SIPA1L1: variants seen among roughly 807,000 people sequenced by gnomAD.
SIPA1L1 encodes signal-induced proliferation-associated 1-like protein 1.
SIPA1L1 carries 26 observed loss-of-function variants against 162.7 expected under a neutral mutation model. The ratio of observed to expected loss-of-function variants is 0.16; its 90% confidence interval spans 0.12 to 0.22. The LOEUF is 0.22. Ranked by LOEUF, SIPA1L1 falls within the 10% of genes least tolerant of loss-of-function variation. The pLI is 1.00. For missense variants in SIPA1L1, 1,874 were observed against 2,241.0 expected (o/e 0.84, Z 3.31); for synonymous variants, 829 against 837.4 (o/e 0.99, Z 0.17).
At chr14:71,653,839 G>T (rs1195480595) in intron 8 of SIPA1L1, among the ~76,000 whole-genome samples, 1 of 152,134 alleles carries the variant, frequency 6.6e-6, no homozygotes, top group Non-Finnish European at 1.5e-5. Flanking sequence ...TACAGAATTG[G>T]CTTCTTTAGA....
intron 8 of SIPA1L1, among the ~76,000 whole-genome samples, chr14:71,655,594 A>G (rs117440071): frequency 6.6e-6 from 1 of 152,128 alleles, no homozygotes; most frequent in South Asian, 2.1e-4. Context: ...TGAACAGTGT[A>G]TGTATATTTT....
At chr14:71,658,146 G>A (rs565450042) in intron 8 of SIPA1L1, among the ~76,000 whole-genome samples, 187 bp from the exon 9 acceptor site, 14 of 150,640 alleles carry the variant, frequency 9.3e-5, no homozygotes, top group African/African-American at 2.9e-4. Flanking sequence ...GATCTGATCC[G>A]TAGGCTTCAC....
chr14:71,583,671 CCACTTAATCATTT>C (rs1191507491), intron 4 of SIPA1L1, among the ~76,000 whole-genome samples: 2 of 151,990 alleles, frequency 1.3e-5, no homozygotes, highest in Non-Finnish European at 2.9e-5. Flanking sequence ...CCCTTCCTTA[CCACTTAATCATTT>C]CTTGAAAAAA....
intron 2 of SIPA1L1, among the ~76,000 whole-genome samples, chr14:71,426,754 A>G (rs969649768): frequency 5.9e-5 from 9 of 152,126 alleles, no homozygotes; most frequent in Non-Finnish European, 2.9e-5. Flanking sequence ...GGCCTCCCAA[A>G]GTGCTGGGAT....
At chr14:71,401,358 C>A (rs901460879) in intron 2 of SIPA1L1, among the ~76,000 whole-genome samples, 1 of 145,794 alleles carries the variant, frequency 6.9e-6, no homozygotes, top group Non-Finnish European at 1.5e-5. Flanking sequence ...TTTTTACTTT[C>A]TTTATTCTTT....
chr14:71,352,267 C>T (rs1208983385), intron 2 of SIPA1L1, among the ~76,000 whole-genome samples: 3 of 151,990 alleles, frequency 2.0e-5, no homozygotes, highest in Non-Finnish European at 4.4e-5. Context: ...CTGCAGCCTC[C>T]CTGGGCTCAG....
chr14:71,490,124 T>G (rs1476748089), intron 2 of SIPA1L1, among the ~76,000 whole-genome samples: 1 of 152,208 alleles, frequency 6.6e-6, no homozygotes, highest in Non-Finnish European at 1.5e-5. Context: ...TGAGCTTGCA[T>G]AGATATAGTT....
intron 2 of SIPA1L1, among the ~76,000 whole-genome samples, chr14:71,325,213 A>G (rs891569879): frequency 6.6e-6 from 1 of 152,214 alleles, no homozygotes; most frequent in African/African-American, 2.4e-5. Flanking sequence ...TGGGAAATCA[A>G]TTGGCCTCAT....
chr14:71,665,785 T>TAC (rs2043946576), intron 10 of SIPA1L1, among the ~76,000 whole-genome samples: 3 of 152,194 alleles, frequency 2.0e-5, no homozygotes, highest in Admixed American at 2.0e-4. Flanking sequence ...CCCCTATATA[T>TAC]ACTATGTTTG....
chr14:71,506,258 T>TC (rs1231908277), intron 2 of SIPA1L1, among the ~76,000 whole-genome samples: 1 of 152,214 alleles, frequency 6.6e-6, no homozygotes, highest in East Asian at 1.9e-4. Context: ...GTATATTTGT[T>TC]CCTATAACCT....
intron 2 of SIPA1L1, among the ~76,000 whole-genome samples, chr14:71,466,381 G>A (rs1326632898): frequency 6.6e-6 from 1 of 152,162 alleles, no homozygotes; most frequent in Non-Finnish European, 1.5e-5. Context: ...CATCTAAGAG[G>A]TGGTGTTGCC....
chr14:71,588,113 GC>G lies in SIPA1L1; in HGVS notation c.242del (p.Ala81GlufsTer10). On this transcript the variant is annotated frameshift_variant, in exon 5 of 24. Transcript: ENST00000381232. LOFTEE classifies it high-confidence loss of function. This position sits in a 1 kb window ranked among gnomAD's most constrained non-coding sequence, Gnocchi z 4.3. ...VPKMGVRARIADWPPRKENIK... is the reference protein window; with the variant it reads ...VPKMGVRARIXDWPPRKENIK... The stretch of plus-strand genomic sequence containing the variant: ...AAAAATGGGGGTAAGGGCAAGGATT[GC>G]AGATTGGCCCCCAAGAAAGGAAAAC... The G allele has an allele frequency of 1.2e-6, 2 of 1,614,138 alleles. No homozygotes were observed. The highest frequency in any genetic ancestry group is 1.7e-6 in the Non-Finnish European group (2 of 1,179,992).
At chr14:71,573,159 C>A (rs1351356082) in intron 4 of SIPA1L1, among the ~76,000 whole-genome samples, 2 of 152,308 alleles carry the variant, frequency 1.3e-5, no homozygotes, top group East Asian at 3.9e-4. Context: ...GTTTCCCCCA[C>A]TTTATATGCC....
chr14:71,524,829 C>T (rs2052700794), intron 3 of SIPA1L1, among the ~76,000 whole-genome samples: 1 of 152,184 alleles, frequency 6.6e-6, no homozygotes, highest in African/African-American at 2.4e-5. Context: ...ATGACCGACT[C>T]ATTCATGTCT....
intron 10 of SIPA1L1, among the ~76,000 whole-genome samples, chr14:71,665,972 C>G (rs1373732606): frequency 6.6e-6 from 1 of 152,066 alleles, no homozygotes; most frequent in Non-Finnish European, 1.5e-5. Context: ...AAGTTAAAAC[C>G]ATAGATAAGG....
At chr14:71,383,892 A>G (rs1443530666) in intron 2 of SIPA1L1, among the ~76,000 whole-genome samples, 5 of 152,146 alleles carry the variant, frequency 3.3e-5, no homozygotes, top group Admixed American at 3.3e-4. Flanking sequence ...ATGAATATCC[A>G]AACCATATCA....
At chr14:71,594,859 A>C (rs979091538) in intron 5 of SIPA1L1, among the ~76,000 whole-genome samples, 2 of 152,200 alleles carry the variant, frequency 1.3e-5, no homozygotes, top group East Asian at 3.9e-4. Context: ...CCTTCCTGAG[A>C]AGCTAAGCTA....
chr14:71,583,464 A>G (rs2034200701), intron 4 of SIPA1L1, among the ~76,000 whole-genome samples: 1 of 152,170 alleles, frequency 6.6e-6, no homozygotes, highest in Admixed American at 6.6e-5. Flanking sequence ...ATGTGGAAGT[A>G]TTTTATGAGG....
At chr14:71,327,080 C>CTTT (rs532549428) in intron 2 of SIPA1L1, among the ~76,000 whole-genome samples, 4 of 127,710 alleles carry the variant, frequency 3.1e-5, no homozygotes, top group Non-Finnish European at 6.7e-5. Context: ...TGATTGAAAT[C>CTTT]TTTTTTTTTT....
Sources: gnomAD v4.1 joint callset for allele counts (sites outside exome capture counted in the v4.1 genomes callset) on GRCh38, gnomAD v4.1.1 for gene constraint, Gnocchi (gnomAD v3.1) non-coding constraint, MANE v1.5 for transcripts, NCBI Gene and HGNC (gene_info 2026-07-23, HGNC 2026-07-21) for gene names.